The following PARD3B variants were observed in gnomAD, a reference collection of about 807,000 sequenced individuals.
PARD3B encodes the protein par-3 family cell polarity regulator beta.
A neutral mutation model predicts 130.2 loss-of-function variants in PARD3B; 103 were observed. The ratio of observed to expected loss-of-function variants is 0.79; its 90% CI spans 0.67 to 0.93. The LOEUF (loss-of-function observed/expected upper bound fraction) is 0.93. Ranked by LOEUF, PARD3B falls within the 40% of genes least tolerant of loss-of-function variation. PARD3B has a pLI of 0.00. For synonymous variants in PARD3B, 583 were observed against 553.2 expected (o/e 1.05, Z -0.76); for missense variants, 1,609 against 1,499.2 (o/e 1.07, Z -1.21).
chr2:204,804,313 C>A (rs2042685493), intron 2 of PARD3B, among the ~76,000 whole-genome samples: 1 of 152,004 alleles, frequency 6.6e-6, no homozygotes, highest in Non-Finnish European at 1.5e-5. Context: ...AAGAGATATT[C>A]CATGCAAATT....
intron 18 of PARD3B, among the ~76,000 whole-genome samples, chr2:205,359,522 A>G (rs1160313321): frequency 6.6e-6 from 1 of 152,160 alleles, no homozygotes; most frequent in East Asian, 1.9e-4. Context: ...TGTCTATACA[A>G]AACTCTTTCC....
At chr2:204,710,844 G>A (rs1452969603) in intron 2 of PARD3B, among the ~76,000 whole-genome samples, 2 of 152,182 alleles carry the variant, frequency 1.3e-5, no homozygotes, top group Non-Finnish European at 2.9e-5. Context: ...ACTGACACAA[G>A]TGAAAGCTCT....
chr2:205,145,941 T>C (rs1490707157), intron 10 of PARD3B, among the ~76,000 whole-genome samples: 1 of 152,172 alleles, frequency 6.6e-6, no homozygotes, highest in Non-Finnish European at 1.5e-5. Flanking sequence ...ATCCAAGTTT[T>C]AGAGGGAGCC....
intron 2 of PARD3B, among the ~76,000 whole-genome samples, chr2:204,776,959 A>G (rs552088870): frequency 1.9e-4 from 29 of 152,184 alleles, no homozygotes; most frequent in Admixed American, 5.2e-4. Flanking sequence ...GTAGATAGCA[A>G]TGCCTCTGTG....
At chr2:204,772,427 C>A (rs1159279529) in intron 2 of PARD3B, among the ~76,000 whole-genome samples, 1 of 152,146 alleles carries the variant, frequency 6.6e-6, no homozygotes, top group East Asian at 1.9e-4. Flanking sequence ...TGCAATTGAT[C>A]CCAATACATT....
At chr2:205,002,882 C>G (rs1440631833) in intron 3 of PARD3B, among the ~76,000 whole-genome samples, 1 of 152,196 alleles carries the variant, frequency 6.6e-6, no homozygotes, top group Non-Finnish European at 1.5e-5. Flanking sequence ...TTTCTGGAGT[C>G]TCGCCGGGGT....
chr2:204,976,103 T>C (rs1285260894), intron 3 of PARD3B, among the ~76,000 whole-genome samples: 1 of 152,230 alleles, frequency 6.6e-6, no homozygotes, highest in African/African-American at 2.4e-5. Context: ...CTAATTCGTC[T>C]CTTGTTAAAA....
intron 22 of PARD3B, among the ~76,000 whole-genome samples, chr2:205,554,209 C>T (rs949899107): frequency 6.6e-6 from 1 of 151,318 alleles, no homozygotes; most frequent in Non-Finnish European, 1.5e-5. Context: ...GCAGTGTTTT[C>T]AAATATTGCC....
chr2:205,605,779 G>A (rs948510024), intron 22 of PARD3B, among the ~76,000 whole-genome samples: 3 of 151,896 alleles, frequency 2.0e-5, no homozygotes, highest in African/African-American at 7.3e-5. Flanking sequence ...CTTGGCGAAG[G>A]GAGTGTGCTG....
intron 2 of PARD3B, among the ~76,000 whole-genome samples, chr2:204,848,795 C>T (rs901181974): frequency 1.3e-5 from 2 of 151,970 alleles, no homozygotes; most frequent in Non-Finnish European, 2.9e-5. Context: ...GGATCTCTTA[C>T]TTTGAATTTT....
At chr2:205,247,803 G>A (rs1410404774) in intron 16 of PARD3B, among the ~76,000 whole-genome samples, 1 of 152,216 alleles carries the variant, frequency 6.6e-6, no homozygotes, top group African/African-American at 2.4e-5. Flanking sequence ...CATTAAATGA[G>A]AGCATCTTGT....
chr2:204,854,951 G>T (rs2044862222), intron 2 of PARD3B, among the ~76,000 whole-genome samples: 1 of 152,112 alleles, frequency 6.6e-6, no homozygotes, highest in Admixed American at 6.5e-5. Flanking sequence ...CAAGCAAAAA[G>T]GACCAGTGGG....
At chr2:205,348,874 TA>T (rs36051462) in intron 18 of PARD3B, among the ~76,000 whole-genome samples, 35,393 of 152,042 alleles carry the variant, frequency 0.23, 6,068 homozygotes, top group African/African-American at 0.49. Context: ...TAAAGGATAA[TA>T]ATAATAATAA....
At chr2:204,861,208 C>G (rs988721196) in intron 2 of PARD3B, among the ~76,000 whole-genome samples, 6 of 126,844 alleles carry the variant, frequency 4.7e-5, no homozygotes, top group Non-Finnish European at 7.9e-5. Flanking sequence ...CTCTCTCTCT[C>G]TCTCTCGTAC....
chr2:205,187,256 G>A lies in PARD3B; in HGVS notation c.2024+1393G>A, dbSNP rs1366375540. Among the ~76,000 whole-genome samples, 1 of 152,182 alleles carries A rather than the reference G, an allele frequency of 6.6e-6. No individual in the cohort carries two copies. The highest frequency in any genetic ancestry group is 1.5e-5 in the Non-Finnish European group (1 of 68,038). On this transcript the variant is annotated intron_variant, in intron 14 of 22. Transcript: ENST00000406610. This position sits in a 1 kb window ranked among gnomAD's most constrained non-coding sequence, Gnocchi z 4.9. ...AAGGGCATTTCGGGAGGGAAGAGCA[G>A]CAGAAGAAACAGCATAGAGACGGGA...
rs191527179 is a variant in PARD3B at position 204,964,940 on chromosome 2, A to G, written c.223-212A>G. On this transcript the variant is annotated intron_variant, in intron 2 of 22. Transcript: ENST00000406610. ...TTTTCAGTAATAGACAAAATAAACA[A>G]ATGAATAAACCAGTATTTATTATTT... Among the ~76,000 whole-genome samples the G allele has an allele frequency of 2.0e-4, 30 of 152,354 alleles. No individual in the cohort carries two copies. In the East Asian group the frequency reaches 3.9e-3, roughly 20 times the overall value.
chr2:205,398,934 G>A (rs1294123264), intron 18 of PARD3B, among the ~76,000 whole-genome samples: 1 of 152,122 alleles, frequency 6.6e-6, no homozygotes, highest in African/African-American at 2.4e-5. Context: ...CTGGGGCAGG[G>A]TTGGGGGTAT....
intron 1 of PARD3B, among the ~76,000 whole-genome samples, chr2:204,617,475 A>G (rs991202515): frequency 5.3e-5 from 8 of 152,156 alleles, no homozygotes; most frequent in African/African-American, 1.7e-4. Flanking sequence ...CCCAATTTGC[A>G]TATCCACATA....
chr2:205,193,242 CA>C lies in PARD3B; in HGVS notation c.2063del (p.His688ProfsTer7). On this transcript the variant is annotated frameshift_variant, in exon 15 of 23. Coordinates refer to ENST00000406610, the MANE Select transcript of PARD3B (RefSeq NM_001302769.2). LOFTEE classifies it high-confidence loss of function. ...VDSAVYFPDQ[H>X]INFRSVTPAR... ...TTCAGCAGTATATTTTCCAGATCAG[CA>C]CATCAACTTCAGATCTGTGACACCG... 6.2e-7 allele frequency: 1 copy of C among 1,613,204 alleles called. No homozygotes were observed. The highest frequency in any genetic ancestry group is 2.2e-5 in the East Asian group (1 of 44,862).
Sources: allele counts gnomAD v4.1 joint callset (sites outside exome capture counted in the v4.1 genomes callset), GRCh38; gene constraint gnomAD v4.1.1; non-coding constraint Gnocchi (gnomAD v3.1); transcripts MANE v1.5; gene names NCBI Gene and HGNC (gene_info 2026-07-23, HGNC 2026-07-21).